CERS6: variants seen among roughly 807,000 people sequenced by gnomAD.
CERS6 encodes the protein ceramide synthase 6.
A neutral mutation model predicts 56.8 loss-of-function variants in CERS6; 26 were observed. The observed-to-expected ratio is 0.46, with a 90% CI of 0.34 to 0.63. CERS6 has a LOEUF of 0.63. Among genes scored for constraint, CERS6 ranks in the 30% least tolerant of loss-of-function variants. CERS6 has a pLI of 0.01. For synonymous variants in CERS6, 164 were observed against 173.3 expected (o/e 0.95, Z 0.42); for missense variants, 415 against 467.5 (o/e 0.89, Z 1.04).
intron 4 of CERS6, among the ~76,000 whole-genome samples, chr2:168,639,069 T>C (rs1439370670): frequency 6.6e-6 from 1 of 152,200 alleles, no homozygotes. Flanking sequence ...TGTCAGAGTC[T>C]ACCAAAATAA....
intron 3 of CERS6, among the ~76,000 whole-genome samples, chr2:168,600,181 C>G (rs1683898160): frequency 8.9e-6 from 1 of 112,338 alleles, no homozygotes; most frequent in Non-Finnish European, 1.9e-5. Context: ...ATGCTGTAAA[C>G]TACCATATTT....
chr2:168,506,196 C>T (rs565642108), intron 1 of CERS6, among the ~76,000 whole-genome samples: 9 of 152,142 alleles, frequency 5.9e-5, no homozygotes, highest in Non-Finnish European at 1.0e-4. Flanking sequence ...CAAATTGAAA[C>T]GCTTGGCTGT....
intron 1 of CERS6, among the ~76,000 whole-genome samples, chr2:168,511,402 T>C (rs1188277247): frequency 1.3e-5 from 2 of 152,222 alleles, no homozygotes; most frequent in African/African-American, 4.8e-5. Flanking sequence ...CCTCCTTCCT[T>C]TGAAACTTCG....
chr2:168,753,409 T>C (rs1559081291), intron 8 of CERS6, among the ~76,000 whole-genome samples: 1 of 152,260 alleles, frequency 6.6e-6, no homozygotes, highest in Non-Finnish European at 1.5e-5. Flanking sequence ...GTGTTATTTT[T>C]CTTTCATGCT....
At chr2:168,762,994 C>T (rs917664629) in intron 8 of CERS6, among the ~76,000 whole-genome samples, 1 of 152,100 alleles carries the variant, frequency 6.6e-6, no homozygotes, top group African/African-American at 2.4e-5. Flanking sequence ...CTGCCTCAGC[C>T]TTTTGAGCAG....
At chr2:168,610,611 A>G (rs1354469224) in intron 3 of CERS6, among the ~76,000 whole-genome samples, 2 of 152,198 alleles carry the variant, frequency 1.3e-5, no homozygotes, top group East Asian at 1.9e-4. Context: ...AATTTTCCCT[A>G]TGAAAATTCT....
chr2:168,720,125 T>G (rs1250520172), intron 8 of CERS6, among the ~76,000 whole-genome samples: 3 of 151,502 alleles, frequency 2.0e-5, no homozygotes, highest in Non-Finnish European at 4.4e-5. Flanking sequence ...AGACGAGGTT[T>G]CACCATGTTG....
chr2:168,466,226 A>C (rs1693871617), intron 1 of CERS6, among the ~76,000 whole-genome samples: 2 of 152,134 alleles, frequency 1.3e-5, no homozygotes, highest in Admixed American at 1.3e-4. Context: ...ATAATAGTAA[A>C]CTGGCTGCAT....
chr2:168,554,708 G>A (rs1345898331), intron 2 of CERS6, among the ~76,000 whole-genome samples: 2 of 152,116 alleles, frequency 1.3e-5, no homozygotes, highest in African/African-American at 2.4e-5. Context: ...GAAAAACAAT[G>A]CAGTCATGAA....
intron 3 of CERS6, among the ~76,000 whole-genome samples, chr2:168,571,009 C>G (rs1460309236): frequency 6.6e-6 from 1 of 152,184 alleles, no homozygotes; most frequent in Non-Finnish European, 1.5e-5. Context: ...TTGTAATACT[C>G]AAGCAAAGTG....
chr2:168,644,959 G>T (rs921159234), intron 4 of CERS6, among the ~76,000 whole-genome samples: 2 of 150,238 alleles, frequency 1.3e-5, no homozygotes, highest in African/African-American at 4.9e-5. Context: ...AGGCATGGTG[G>T]TGCACACTTG....
At chr2:168,479,072 A>G (rs1487239579) in intron 1 of CERS6, among the ~76,000 whole-genome samples, 1 of 152,198 alleles carries the variant, frequency 6.6e-6, no homozygotes, top group Non-Finnish European at 1.5e-5. Context: ...CATTTACTAA[A>G]TAATCCATAT....
intron 8 of CERS6, among the ~76,000 whole-genome samples, chr2:168,732,637 C>T (rs568514680): frequency 6.6e-6 from 1 of 152,316 alleles, no homozygotes; most frequent in South Asian, 2.1e-4. Context: ...CAGCTGTTGT[C>T]TGGGTTGAAC....
intron 4 of CERS6, among the ~76,000 whole-genome samples, chr2:168,649,122 C>T (rs572627417): frequency 1.7e-4 from 26 of 152,132 alleles, no homozygotes; most frequent in South Asian, 6.2e-4. Flanking sequence ...AAGGATGGGT[C>T]GTTAGCTGCA....
intron 4 of CERS6, among the ~76,000 whole-genome samples, chr2:168,645,641 A>G (rs1180283547): frequency 1.3e-5 from 2 of 152,140 alleles, no homozygotes; most frequent in African/African-American, 4.8e-5. Flanking sequence ...TCACCCAGGT[A>G]TTAAGCCCAG....
At chr2:168,539,353 C>A (rs1210855482) in intron 1 of CERS6, among the ~76,000 whole-genome samples, 2 of 152,174 alleles carry the variant, frequency 1.3e-5, no homozygotes, top group African/African-American at 2.4e-5. Flanking sequence ...AGACCTTGGG[C>A]ACCCTCATTA....
At chr2:168,651,152 G>T (rs1390137205) in intron 4 of CERS6, among the ~76,000 whole-genome samples, 1 of 152,198 alleles carries the variant, frequency 6.6e-6, no homozygotes, top group East Asian at 1.9e-4. Context: ...AGGAACACTT[G>T]AGATTACAAA....
At chr2:168,674,644 C>T (rs999327208) in intron 4 of CERS6, among the ~76,000 whole-genome samples, 1 of 152,182 alleles carries the variant, frequency 6.6e-6, no homozygotes, top group African/African-American at 2.4e-5. Flanking sequence ...AGTAATGTAG[C>T]AAAGAAACTT....
At chr2:168,675,423 A>G (rs1191361812) in intron 4 of CERS6, among the ~76,000 whole-genome samples, 9 of 152,014 alleles carry the variant, frequency 5.9e-5, no homozygotes, top group Non-Finnish European at 1.2e-4. Flanking sequence ...TGCCTCTACA[A>G]AAAACACAAA....
Sources: gnomAD v4.1 joint callset for allele counts (sites outside exome capture counted in the v4.1 genomes callset) on GRCh38, gnomAD v4.1.1 for gene constraint, MANE v1.5 for transcripts, NCBI Gene and HGNC (gene_info 2026-07-23, HGNC 2026-07-21) for gene names.